The following FRMPD4 variants were observed in gnomAD, a reference collection of about 807,000 sequenced individuals.
FRMPD4 encodes the protein FERM and PDZ domain containing 4, also known as FERM and PDZ domain-containing protein 4.
FRMPD4 carries 22 observed loss-of-function variants against 94.1 expected under a neutral mutation model. The ratio of observed to expected loss-of-function variants is 0.23; its 90% CI spans 0.17 to 0.33. FRMPD4 has a LOEUF of 0.33. FRMPD4 is among the 10% of genes least tolerant of loss of function. FRMPD4 has a pLI of 1.00. For synonymous variants in FRMPD4, 631 were observed against 548.6 expected, an observed-to-expected ratio of 1.15 and a Z score of -2.10; for missense variants, 1,111 against 1,339.9, an observed-to-expected ratio of 0.83 and a Z score of 2.67.
rs1172701697 is a variant in FRMPD4, at chrX:12,716,343, G to A, written c.1884G>A (p.Arg628=). ...CAGACTACAGAAGTCTAGCTCAGCGGTCCCTATTGACCCTCTCAGGACCAG... is the reference window on the plus strand; with the variant it reads ...CAGACTACAGAAGTCTAGCTCAGCGATCCCTATTGACCCTCTCAGGACCAG... ...CEADYRSLAQ[R]SLLTLSGPET... The change falls in exon 15 of 17, where the codon CGG becomes CGA. Residue 628 remains arginine, a synonymous_variant. Transcript: ENST00000675598. 8.3e-7 allele frequency: 1 copy of A among 1,210,100 alleles called. No individual in the cohort carries two copies. The highest frequency in any genetic ancestry group is 1.7e-5 in the African/African-American group (1 of 57,266).
At chrX:12,312,347 G>A (rs1437626122) in intron 1 of FRMPD4, among the ~76,000 whole-genome samples, 1 of 99,946 alleles carries the variant, frequency 1.0e-5, no homozygotes, top group Non-Finnish European at 2.0e-5. Flanking sequence ...CTGCCTCCCA[G>A]GTTCATGCCA....
intron 1 of FRMPD4, among the ~76,000 whole-genome samples, chrX:12,329,113 TAG>T (rs1460444926): frequency 8.9e-6 from 1 of 111,836 alleles, no homozygotes; most frequent in Non-Finnish European, 1.9e-5. Context: ...GTTGGACAAA[TAG>T]AGTATGATCT....
chrX:11,844,546 A>T (rs2053562343), intron 1 of FRMPD4, among the ~76,000 whole-genome samples: 1 of 110,882 alleles, frequency 9.0e-6, no homozygotes, highest in South Asian at 3.8e-4. Flanking sequence ...TCTCTGAAGA[A>T]CCCTAACATG....
chrX:12,082,718 G>T (rs922022908), intron 3 of FRMPD4, among the ~76,000 whole-genome samples: 12 of 111,456 alleles, frequency 1.1e-4, no homozygotes, highest in Non-Finnish European at 2.1e-4. Flanking sequence ...TGAACAATAA[G>T]GTCCAGGATG....
At chrX:12,430,664 C>T (rs906634065) in intron 1 of FRMPD4, among the ~76,000 whole-genome samples, 4 of 111,574 alleles carry the variant, frequency 3.6e-5, no homozygotes, top group African/African-American at 1.3e-4. Context: ...CATTGATGGC[C>T]CTCAATGACA....
At chrX:12,550,838 T>TGTAAGTAC (rs1555982723) in intron 2 of FRMPD4, among the ~76,000 whole-genome samples, 1 of 108,252 alleles carries the variant, frequency 9.2e-6, no homozygotes, top group African/African-American at 3.3e-5. Flanking sequence ...TTAGAGTGTA[T>TGTAAGTAC]ATAAGAATAT....
In FRMPD4 at chrX:12,100,284, T is replaced by C. The variant is rs2055244312; in HGVS notation, c.95+222266T>C. Among the ~76,000 whole-genome samples the C allele has an allele frequency of 4.5e-5, 5 of 112,273 alleles. No individual in the cohort carries two copies. The South Asian group carries it at 1.1e-3, about 25-fold the overall frequency. ...AACAGCAATAATACTAAAGCTAGGATTCATTCAACATTTAATGAGTAAGTA... is the reference window on the plus strand; with the variant it reads ...AACAGCAATAATACTAAAGCTAGGACTCATTCAACATTTAATGAGTAAGTA... On this transcript the variant is annotated intron_variant, in intron 3 of 18. Coordinates refer to the FRMPD4 transcript ENST00000640291.
intron 3 of FRMPD4, among the ~76,000 whole-genome samples, chrX:12,117,754 G>A (rs1410204556): frequency 1.8e-5 from 2 of 111,733 alleles, no homozygotes; most frequent in African/African-American, 6.5e-5. Flanking sequence ...GGTTTGCGCT[G>A]GACAGACCAC....
At chrX:12,044,991 T>G (rs2054777988) in intron 3 of FRMPD4, among the ~76,000 whole-genome samples, 1 of 112,514 alleles carries the variant, frequency 8.9e-6, no homozygotes, top group Non-Finnish European at 1.9e-5. Context: ...GTGGGCCAAA[T>G]CTGACTCATT....
rs2042239147 is a variant in FRMPD4 at position 12,721,483 on chromosome X, A to G, written c.4914A>G (p.Thr1638=). The change falls in exon 17 of 17, where the codon ACA becomes ACG. Residue 1638 remains threonine (T), a synonymous_variant. Coordinates refer to ENST00000675598, the MANE Select transcript of FRMPD4 (RefSeq NM_001368397.1). ...CACGCCCTGAAGCGTACGACCTTACACTTTCTCAGTACAAGCAACTGTTAT... is the reference window on the plus strand; with the variant it reads ...CACGCCCTGAAGCGTACGACCTTACGCTTTCTCAGTACAAGCAACTGTTAT... ...EESRPEAYDL[T]LSQYKQLLSI... The G allele has an allele frequency of 1.3e-6, 1 of 755,587 alleles. No homozygotes were observed. Among genetic ancestry groups the G allele is most frequent in the Non-Finnish European group, 1.6e-6 (1 of 639,052 alleles). The allele number at this position is 755,587 out of a possible 1,213,427, so 62.3% of individuals were successfully genotyped here.
In FRMPD4 at chrX:12,700,236, G is replaced by C. The variant is rs146847596; in HGVS notation, c.934-1638G>C. Among the ~76,000 whole-genome samples, 12 of 111,845 alleles carry C rather than the reference G, an allele frequency of 1.1e-4. No homozygotes were observed. The East Asian group carries it at 3.4e-3, about 31-fold the overall frequency. On this transcript the variant is annotated intron_variant, in intron 9 of 16. Coordinates refer to ENST00000675598, the MANE Select transcript of FRMPD4 (RefSeq NM_001368397.1). ...AGGTCAAAGAAATACTTTTGTTTCTGAGGCCTTCATTTTGGGATATTGTTT... is the reference window on the plus strand; with the variant it reads ...AGGTCAAAGAAATACTTTTGTTTCTCAGGCCTTCATTTTGGGATATTGTTT...
At chrX:11,925,761 G>A (rs1233423587) in intron 3 of FRMPD4, among the ~76,000 whole-genome samples, 1 of 111,658 alleles carries the variant, frequency 9.0e-6, no homozygotes. Context: ...ACAGAGTTAG[G>A]AGGGAAATTT....
At chrX:12,455,064 C>A (rs2057318368) in intron 1 of FRMPD4, among the ~76,000 whole-genome samples, 1 of 110,877 alleles carries the variant, frequency 9.0e-6, no homozygotes, top group African/African-American at 3.3e-5. Flanking sequence ...CAGTAATATA[C>A]CAAAAATAAT....
At chrX:12,532,536 C>T (rs952687751) in intron 2 of FRMPD4, among the ~76,000 whole-genome samples, 8 of 111,773 alleles carry the variant, frequency 7.2e-5, no homozygotes, top group African/African-American at 1.6e-4. Flanking sequence ...GTTACCGAGA[C>T]GCAACAAATA....
chrX:12,463,706 T>TTTTTTTG, intron 1 of FRMPD4, among the ~76,000 whole-genome samples: 1 of 100,294 alleles, frequency 1.0e-5, no homozygotes, highest in Non-Finnish European at 2.0e-5. Context: ...TTGTTTTTTT[T>TTTTTTTG]TTTTAACAGA....
chrX:12,512,341 G>A (rs890428849), intron 2 of FRMPD4, among the ~76,000 whole-genome samples: 1 of 111,631 alleles, frequency 9.0e-6, no homozygotes, highest in African/African-American at 3.3e-5. Context: ...AGCCCTACAT[G>A]CATTAGCTAT....
intron 5 of FRMPD4, among the ~76,000 whole-genome samples, chrX:12,679,511 T>G (rs924404784): frequency 1.2e-4 from 13 of 111,562 alleles, no homozygotes; most frequent in African/African-American, 4.2e-4. Flanking sequence ...CTTTAAATGT[T>G]ACTAAGTCAC....
At chrX:12,465,853 A>G (rs1258894146) in intron 1 of FRMPD4, among the ~76,000 whole-genome samples, 1 of 112,134 alleles carries the variant, frequency 8.9e-6, no homozygotes, top group East Asian at 2.8e-4. Flanking sequence ...ATTCTTCTCA[A>G]TGTAATCTGC....
rs140468530 is a variant in FRMPD4, at chrX:12,570,295, ATTTATTTTAT to A, written c.159-39402_159-39393del. ...ACTCCACTCTCTGAACTTTACATATATTTATTTTATTTTATTTTATTTTATTTTATTTTTC... is the reference window on the plus strand; with the variant it reads ...ACTCCACTCTCTGAACTTTACATATATTTATTTTATTTTATTTTATTTTTC... On this transcript the variant is annotated intron_variant, in intron 2 of 16. Coordinates refer to ENST00000675598, the MANE Select transcript of FRMPD4 (RefSeq NM_001368397.1). Among the ~76,000 whole-genome samples the A allele has an allele frequency of 5.4e-3, 557 of 102,333 alleles. 18 individuals carry two copies. In the Admixed American group the frequency reaches 0.056, roughly 10 times the overall value. The allele number at this position is 102,333 out of a possible 115,157, so 88.9% of individuals were successfully genotyped here.
Sources: allele counts gnomAD v4.1 joint callset (sites outside exome capture counted in the v4.1 genomes callset), GRCh38; gene constraint gnomAD v4.1.1; transcripts MANE v1.5; gene names NCBI Gene and HGNC (gene_info 2026-07-23, HGNC 2026-07-21).